Variants in FRMPD4 observed in about 807,000 individuals in gnomAD.
FRMPD4 encodes FERM and PDZ domain-containing protein 4.
FRMPD4 carries 22 observed loss-of-function variants against 94.1 expected under a neutral mutation model. The ratio of observed to expected loss-of-function variants is 0.23; its 90% confidence interval spans 0.17 to 0.33. FRMPD4 has a LOEUF of 0.33. Ranked by LOEUF, FRMPD4 falls within the 10% of genes least tolerant of loss-of-function variation. FRMPD4 has a pLI of 1.00. For missense variants in FRMPD4, 1,111 were observed against 1,339.9 expected, an observed-to-expected ratio of 0.83 and a Z score of 2.67; for synonymous variants, 631 against 548.6, an observed-to-expected ratio of 1.15 and a Z score of -2.10.
chrX:12,416,481 T>C (rs2056802504), intron 1 of FRMPD4, among the ~76,000 whole-genome samples: 1 of 112,300 alleles, frequency 8.9e-6, no homozygotes, highest in Non-Finnish European at 1.9e-5. Flanking sequence ...TTAAACACAG[T>C]TCTATTACTC....
intron 3 of FRMPD4, among the ~76,000 whole-genome samples, chrX:11,964,153 TTTGTTG>T (rs199751809): frequency 9.4e-6 from 1 of 106,659 alleles, no homozygotes; most frequent in Non-Finnish European, 1.9e-5. Context: ...CAGTGCTTTT[TTTGTTG>T]TTGTTGTTGT....
chrX:12,519,580 G>A (rs1255383333), intron 2 of FRMPD4, among the ~76,000 whole-genome samples: 1 of 112,134 alleles, frequency 8.9e-6, no homozygotes, highest in Non-Finnish European at 1.9e-5. Context: ...AAACTTTTGT[G>A]CCTCATAAAA....
chrX:12,056,600 G>A (rs1367718754), intron 3 of FRMPD4, among the ~76,000 whole-genome samples: 1 of 111,563 alleles, frequency 9.0e-6, no homozygotes, highest in Non-Finnish European at 1.9e-5. Flanking sequence ...GGCAGGAGAA[G>A]GTCAAAGAGA....
chrX:12,589,457 C>G (rs2058962223), intron 2 of FRMPD4, among the ~76,000 whole-genome samples: 1 of 111,844 alleles, frequency 8.9e-6, no homozygotes, highest in Non-Finnish European at 1.9e-5. Context: ...GCTTTGCATT[C>G]TATTTAGCAA....
intron 1 of FRMPD4, among the ~76,000 whole-genome samples, chrX:12,470,628 G>C (rs2057500485): frequency 8.9e-6 from 1 of 111,800 alleles, no homozygotes; most frequent in African/African-American, 3.3e-5. Context: ...TTTAATTCTG[G>C]TGCCATTTTA....
chrX:12,629,893 A>G (rs1466352784), intron 4 of FRMPD4, among the ~76,000 whole-genome samples: 5 of 112,493 alleles, frequency 4.4e-5, no homozygotes, highest in African/African-American at 1.6e-4. Context: ...TGGGTATCCA[A>G]TCAAAACCAA....
At chrX:11,947,104 G>C (rs1007544168) in intron 3 of FRMPD4, among the ~76,000 whole-genome samples, 1 of 111,493 alleles carries the variant, frequency 9.0e-6, no homozygotes, top group Non-Finnish European at 1.9e-5. Flanking sequence ...GAGATATAGA[G>C]CAGAGTCCCC....
chrX:12,326,560 C>T (rs1387323297), intron 1 of FRMPD4, among the ~76,000 whole-genome samples: 3 of 111,883 alleles, frequency 2.7e-5, no homozygotes, highest in African/African-American at 9.8e-5. Context: ...CTGAGAGCCA[C>T]CAAGTCCTAG....
At chrX:12,411,093 A>T (rs1259420369) in intron 1 of FRMPD4, among the ~76,000 whole-genome samples, 1 of 111,588 alleles carries the variant, frequency 9.0e-6, no homozygotes, top group African/African-American at 3.3e-5. Context: ...GTGCCATCAA[A>T]AACATTGGTG....
intron 14 of FRMPD4, among the ~76,000 whole-genome samples, chrX:12,712,278 G>A (rs1359191620): frequency 9.0e-6 from 1 of 111,292 alleles, no homozygotes; most frequent in Non-Finnish European, 1.9e-5. Context: ...GCCAGATGCA[G>A]TGGTTCACGC....
intron 1 of FRMPD4, among the ~76,000 whole-genome samples, chrX:12,184,487 TAAA>T (rs1353415756): frequency 8.9e-6 from 1 of 111,926 alleles, no homozygotes; most frequent in Non-Finnish European, 1.9e-5. Flanking sequence ...CTAAGAACGA[TAAA>T]AAATGACAAT....
intron 1 of FRMPD4, among the ~76,000 whole-genome samples, chrX:11,843,523 C>T (rs1013747908): frequency 9.0e-6 from 1 of 110,594 alleles, no homozygotes; most frequent in African/African-American, 3.3e-5. Context: ...GATGCTTATC[C>T]ATGTATTTAG....
At chrX:12,466,985 A>G (rs12009080) in intron 1 of FRMPD4, among the ~76,000 whole-genome samples, 18,951 of 111,175 alleles carry the variant, frequency 0.17, 1,244 homozygotes, top group African/African-American at 0.21. Flanking sequence ...TGAATTTACA[A>G]TGGTCTCCCA....
intron 1 of FRMPD4, among the ~76,000 whole-genome samples, chrX:12,243,058 C>A (rs1182430799): frequency 8.9e-6 from 1 of 112,039 alleles, no homozygotes; most frequent in East Asian, 2.8e-4. Flanking sequence ...TAAAAAAAAT[C>A]TTTTGTAGAA....
intron 1 of FRMPD4, among the ~76,000 whole-genome samples, chrX:12,143,437 G>T (rs147467774): frequency 3.5e-5 from 4 of 112,745 alleles, no homozygotes; most frequent in Non-Finnish European, 7.5e-5. Context: ...ATCTATGGCT[G>T]CATTTGCCTG....
intron 1 of FRMPD4, among the ~76,000 whole-genome samples, chrX:12,276,503 A>G (rs1230603234): frequency 1.8e-5 from 2 of 112,454 alleles, no homozygotes; most frequent in African/African-American, 6.5e-5. Flanking sequence ...AGTTATTATC[A>G]ATAGAATGGA....
rs1190556766 is a variant in FRMPD4, at chrX:12,717,875, G to C, written c.3049G>C (p.Gly1017Arg). 1 of 1,210,287 alleles carries C rather than the reference G, an allele frequency of 8.3e-7. No individual in the cohort carries two copies. The highest frequency in any genetic ancestry group is 1.1e-6 in the Non-Finnish European group (1 of 895,068). The part of the protein sequence containing the change: ...VTDYFSKLHM[G>R]SVAYSCTSKR... Reference sequence around the variant, plus strand: ...TGACTATTTTAGCAAACTGCACATGGGGTCGGTGGCATACTCCTGCACTAG... The same window carrying C: ...TGACTATTTTAGCAAACTGCACATGCGGTCGGTGGCATACTCCTGCACTAG... The change falls in exon 16 of 17, where the codon GGG becomes CGG. Residue 1017 changes from glycine (G) to arginine (R), a missense_variant. Physicochemically the swap from Gly to Arg is moderately radical, Grantham distance 125. Around this residue, in one of 8 missense-constraint regions of FRMPD4, gnomAD observed 551 missense variants for 591.6 expected, o/e 0.93. Transcript: ENST00000675598.
rs397716275 is a variant in FRMPD4 at position 12,362,178 on chromosome X, C to CTT, written c.42-136491_42-136490dup. On this transcript the variant is annotated intron_variant, in intron 1 of 16. Coordinates refer to ENST00000675598, the MANE Select transcript of FRMPD4 (RefSeq NM_001368397.1). ...TCCTACCCAATAGTAACTGACGATTCTTTTTTTTTTTTAGTTTTTATTTTT... is the reference window on the plus strand; with the variant it reads ...TCCTACCCAATAGTAACTGACGATTCTTTTTTTTTTTTTTAGTTTTTATTTTT... Among the ~76,000 whole-genome samples the CTT allele has an allele frequency of 9.3e-3, 934 of 100,206 alleles. 7 individuals are homozygous for CTT. The highest frequency in any genetic ancestry group is 0.03 in the African/African-American group (825 of 27,507). The allele number at this position is 100,206 out of a possible 115,157, so 87.0% of individuals were successfully genotyped here. A position where few individuals can be genotyped will look rare whatever the true frequency, so the allele number is the denominator to read the frequency against.
rs138864691 is a variant in FRMPD4, at chrX:12,170,293, C to T, written c.41+31281C>T. Among the ~76,000 whole-genome samples the T allele has an allele frequency of 9.4e-3, 1,029 of 109,190 alleles. 5 individuals are homozygous for T. Among genetic ancestry groups the T allele is most frequent in the Non-Finnish European group, 0.014 (720 of 52,573 alleles). 94.8% of individuals were successfully genotyped at this position (109,190 alleles called of 115,157 possible). The stretch of plus-strand genomic sequence containing the variant: ...GGAATTATGGTTGTCAATCATGAAC[C>T]GAGAAATAACCAACCAATTGTGCTA... On this transcript the variant is annotated intron_variant, in intron 1 of 16. Coordinates refer to ENST00000675598, the MANE Select transcript of FRMPD4 (RefSeq NM_001368397.1).
Sources: allele counts gnomAD v4.1 joint callset (sites outside exome capture counted in the v4.1 genomes callset), GRCh38; gene constraint gnomAD v4.1.1; regional missense constraint gnomAD v4.1.1; transcripts MANE v1.5; gene names NCBI Gene and HGNC (gene_info 2026-07-23, HGNC 2026-07-21).